Variants in SATB2 observed in about 807,000 individuals in gnomAD.
SATB2 encodes the protein DNA-binding protein SATB2.
SATB2 carries 1 observed loss-of-function variant against 73.4 expected under a neutral mutation model. The ratio of observed to expected loss-of-function variants is 0.01; its 90% CI spans 0.00 to 0.06. The LOEUF is 0.06. Ranked by LOEUF, SATB2 falls within the 10% of genes least tolerant of loss-of-function variation. The pLI is 1.00. For synonymous variants in SATB2, 397 were observed against 367.0 expected, an observed-to-expected ratio of 1.08 and a Z score of -0.93; for missense variants, 459 against 945.8, an observed-to-expected ratio of 0.49 and a Z score of 6.75.
chr2:199,358,626 A>G (rs1689053810), intron 6 of SATB2, among the ~76,000 whole-genome samples: 1 of 152,196 alleles, frequency 6.6e-6, no homozygotes, highest in Admixed American at 6.6e-5. Flanking sequence ...CTCCTAATAA[A>G]ACAGCCCATA....
chr2:199,353,460 T>G (rs1251662758), intron 6 of SATB2, among the ~76,000 whole-genome samples: 1 of 152,124 alleles, frequency 6.6e-6, no homozygotes, highest in African/African-American at 2.4e-5. Flanking sequence ...TGGCTGATTT[T>G]ACCTAAATTG....
At chr2:199,306,237 T>C (rs886671683) in intron 10 of SATB2, among the ~76,000 whole-genome samples, 2 of 152,190 alleles carry the variant, frequency 1.3e-5, no homozygotes, top group Non-Finnish European at 2.9e-5. Context: ...CTGTCTAGTG[T>C]CAGTTATTTT....
At chr2:199,288,733 T>C (rs1692759291) in intron 10 of SATB2, among the ~76,000 whole-genome samples, 3 of 152,110 alleles carry the variant, frequency 2.0e-5, no homozygotes, top group Admixed American at 2.0e-4. Context: ...AAGTAAATCT[T>C]AAGGAGTGCA....
chr2:199,398,453 C>T (rs1456723975), intron 3 of SATB2, among the ~76,000 whole-genome samples: 1 of 152,174 alleles, frequency 6.6e-6, no homozygotes, highest in Non-Finnish European at 1.5e-5. Context: ...TCTTGTTAAT[C>T]TGTCTTTTGT....
At chr2:199,433,132 A>AT (rs1691552116) in intron 3 of SATB2, among the ~76,000 whole-genome samples, 1 of 152,210 alleles carries the variant, frequency 6.6e-6, no homozygotes, top group South Asian at 2.1e-4. Context: ...ATGCAAGTTG[A>AT]TTTTGTGGCT....
intron 3 of SATB2, among the ~76,000 whole-genome samples, chr2:199,428,883 G>A (rs1691413879): frequency 6.6e-6 from 1 of 151,986 alleles, no homozygotes; most frequent in African/African-American, 2.4e-5. Context: ...ATGGTGGCAT[G>A]GCCACCCAGC....
intron 9 of SATB2, among the ~76,000 whole-genome samples, chr2:199,318,354 T>G (rs1486501374): frequency 1.3e-5 from 2 of 152,006 alleles, no homozygotes; most frequent in African/African-American, 4.8e-5. Context: ...TGGCAAAACT[T>G]TGATCTTTGT....
At chr2:199,309,042 G>T in intron 9 of SATB2, 85 bp from the exon 10 acceptor site, 1 of 1,094,378 alleles carries the variant, frequency 9.1e-7, no homozygotes, top group African/African-American at 1.5e-5. Flanking sequence ...TGCCATCACA[G>T]TACATCTTTT....
At chr2:199,441,053 G>T (rs1691801930) in intron 2 of SATB2, among the ~76,000 whole-genome samples, 1 of 151,990 alleles carries the variant, frequency 6.6e-6, no homozygotes, top group Non-Finnish European at 1.5e-5. Flanking sequence ...CTCCATGTTG[G>T]TCAGGCTGGT....
intron 10 of SATB2, among the ~76,000 whole-genome samples, chr2:199,297,037 T>G (rs1055236954): frequency 2.0e-5 from 3 of 152,264 alleles, no homozygotes; most frequent in Non-Finnish European, 4.4e-5. Flanking sequence ...TCATCTATTT[T>G]AAATGCACTT....
intron 9 of SATB2, 128 bp downstream of exon 9, chr2:199,323,675 G>A (rs1421275535): frequency 1.9e-6 from 2 of 1,078,726 alleles, no homozygotes; most frequent in African/African-American, 3.1e-5. Context: ...GTAAAAGGCA[G>A]AACATGACAG....
intron 3 of SATB2, among the ~76,000 whole-genome samples, chr2:199,404,768 G>GTAT (rs1690582094): frequency 6.6e-6 from 1 of 152,244 alleles, no homozygotes; most frequent in Admixed American, 6.5e-5. Flanking sequence ...TGCCTCCAAA[G>GTAT]TATTATATCA....
chr2:199,433,828 T>C (rs1245194362), intron 2 of SATB2, among the ~76,000 whole-genome samples: 1 of 152,206 alleles, frequency 6.6e-6, no homozygotes, highest in African/African-American at 2.4e-5. Context: ...TATAGTTTTA[T>C]CATTAACTAT....
intron 7 of SATB2, among the ~76,000 whole-genome samples, chr2:199,332,094 G>A (rs998941596): frequency 2.0e-5 from 3 of 152,014 alleles, no homozygotes; most frequent in Non-Finnish European, 4.4e-5. Context: ...TGCAAATGGA[G>A]GGAAATTAAT....
chr2:199,324,966 C>T (rs1687990299), intron 8 of SATB2, among the ~76,000 whole-genome samples: 1 of 152,150 alleles, frequency 6.6e-6, no homozygotes, highest in African/African-American at 2.4e-5. Context: ...ACAAGTTTCC[C>T]TGTGCGGATG....
At chr2:199,401,477 C>T (rs200836244) in intron 3 of SATB2, among the ~76,000 whole-genome samples, 1 of 151,092 alleles carries the variant, frequency 6.6e-6, no homozygotes, top group Non-Finnish European at 1.5e-5. Context: ...TGCTTGAACC[C>T]GGGAGGCGGA....
chr2:199,461,962 G>A (rs1000482170), upstream of SATB2, among the ~76,000 whole-genome samples: 2 of 152,208 alleles, frequency 1.3e-5, no homozygotes, highest in African/African-American at 4.8e-5. Flanking sequence ...TCCGGACAGC[G>A]TAGGCCTGGG....
upstream of SATB2, chr2:199,468,318 T>A (rs1692632366): frequency 6.6e-6 from 1 of 152,168 alleles, no homozygotes; most frequent in South Asian, 2.1e-4. Context: ...TCCTTTTTTT[T>A]TTTTTAATGT....
rs556141567 is a variant in SATB2, at chr2:199,411,235, T to A, written c.346+22103A>T. Among the ~76,000 whole-genome samples the A allele has an allele frequency of 8.1e-4, 122 of 151,290 alleles. 1 individual carries two copies. Among genetic ancestry groups the A allele is most frequent in the Admixed American group, 7.8e-3 (118 of 15,206 alleles). ...CCAGAAAAAAGAAAAAAAAAAAAAA[T>A]TCACCTCTTTGTCCTCCCACTCTCA... On this transcript the variant is annotated intron_variant, in intron 3 of 10. Coordinates refer to ENST00000417098, the MANE Select transcript of SATB2 (RefSeq NM_001172509.2).
Sources: allele counts gnomAD v4.1 joint callset (sites outside exome capture counted in the v4.1 genomes callset), GRCh38; gene constraint gnomAD v4.1.1; transcripts MANE v1.5; gene names NCBI Gene and HGNC (gene_info 2026-07-23, HGNC 2026-07-21).